Variants in VAT1L observed in about 807,000 individuals in gnomAD.
VAT1L encodes vesicle amine transport 1 like, also known as putative NADPH-dependent quinone oxidoreductase VAT1L.
In VAT1L, 34 loss-of-function variants were observed where a neutral mutation model predicts 44.1. The ratio of observed to expected loss-of-function variants is 0.77; its 90% CI spans 0.59 to 1.03. VAT1L has a LOEUF of 1.03. Ranked by LOEUF, VAT1L falls within the 50% of genes least tolerant of loss-of-function variation. The pLI, the probability that VAT1L is intolerant of heterozygous loss-of-function variation, is 0.00. For synonymous variants in VAT1L, 253 were observed against 202.2 expected (o/e 1.25, Z -2.13); for missense variants, 615 against 538.8 (o/e 1.14, Z -1.40).
At chr16:77,813,577 C>G (rs1386473822) in intron 1 of VAT1L, among the ~76,000 whole-genome samples, 1 of 152,190 alleles carries the variant, frequency 6.6e-6, no homozygotes, top group Admixed American at 6.5e-5. Context: ...CATCCTGGTG[C>G]AGGGAGTTGG....
At chr16:77,904,092 C>A (rs1176567893) in intron 7 of VAT1L, among the ~76,000 whole-genome samples, 1 of 151,894 alleles carries the variant, frequency 6.6e-6, no homozygotes, top group Non-Finnish European at 1.5e-5. Flanking sequence ...AGCCTAATAA[C>A]CCAAAAGGAA....
At chr16:77,862,643 A>T in intron 3 of VAT1L, 105 bp from the exon 4 acceptor site, 1 of 1,141,294 alleles carries the variant, frequency 8.8e-7, no homozygotes, top group Non-Finnish European at 1.2e-6. Flanking sequence ...AAAAAAAAAA[A>T]AAAAGTCAAT....
At chr16:77,955,846 C>A (rs994215338) in intron 7 of VAT1L, among the ~76,000 whole-genome samples, 12 of 152,108 alleles carry the variant, frequency 7.9e-5, no homozygotes, top group African/African-American at 2.4e-4. Flanking sequence ...TACCCAGCGT[C>A]CTACATCCTT....
intron 7 of VAT1L, among the ~76,000 whole-genome samples, chr16:77,921,948 A>G (rs544969562): frequency 7.2e-5 from 11 of 152,050 alleles, no homozygotes; most frequent in African/African-American, 2.4e-4. Flanking sequence ...GGGTCTCACT[A>G]TGTTGCCCAG....
chr16:77,872,755 G>C (rs1468623079), intron 4 of VAT1L, among the ~76,000 whole-genome samples: 1 of 152,180 alleles, frequency 6.6e-6, no homozygotes, highest in East Asian at 1.9e-4. Flanking sequence ...CTCTGTGTTT[G>C]GTTCATTTAT....
intron 8 of VAT1L, among the ~76,000 whole-genome samples, chr16:77,972,742 T>C (rs2018293981): frequency 1.3e-5 from 2 of 151,660 alleles, no homozygotes; most frequent in African/African-American, 2.4e-5. Flanking sequence ...GATTGCGTCA[T>C]TGCACTCCAG....
At chr16:77,901,271 C>G (rs1298082262) in intron 7 of VAT1L, among the ~76,000 whole-genome samples, 2 of 146,646 alleles carry the variant, frequency 1.4e-5, no homozygotes, top group Non-Finnish European at 3.0e-5. Flanking sequence ...TCATGCCATT[C>G]TCCTGCCTCA....
chr16:77,848,902 A>T (rs902961451), intron 3 of VAT1L, among the ~76,000 whole-genome samples: 1 of 152,192 alleles, frequency 6.6e-6, no homozygotes, highest in African/African-American at 2.4e-5. Context: ...GACATGGATG[A>T]AGCTGGAAAC....
rs753471282 is a variant in VAT1L, at chr16:77,934,654, A to G, written c.1078-37196A>G. On this transcript the variant is annotated intron_variant, in intron 7 of 8. Coordinates refer to ENST00000302536, the MANE Select transcript of VAT1L (RefSeq NM_020927.3). ...AACCATAGGGAACTAATTTAGTGGG[A>G]TGTGAACAGTGCCTTGAATCTTGTT... is the stretch of plus-strand genomic sequence containing the variant. Among the ~76,000 whole-genome samples the G allele has an allele frequency of 8.3e-4, 127 of 152,336 alleles. 1 individual carries two copies. The highest frequency in any genetic ancestry group is 1.6e-3 in the Non-Finnish European group (107 of 68,038).
Position 77,928,757 on chromosome 16 carries a change from A to ATT in VAT1L, c.1078-43084_1078-43083dup, listed in dbSNP as rs5818099. On this transcript the variant is annotated intron_variant, in intron 7 of 8. Transcript: ENST00000302536. ...TGATGGGGGTGTCAGGAGAGTAAGA[A>ATT]TTTTTTTTTTAAATGACTGTTGAAG... Among the ~76,000 whole-genome samples, 96 of 151,112 alleles carry ATT rather than the reference A, an allele frequency of 6.4e-4. 1 individual carries two copies. The highest frequency in any genetic ancestry group is 3.4e-3 in the Middle Eastern group (1 of 292).
chr16:77,868,480 G>C (rs2016998227), intron 4 of VAT1L, among the ~76,000 whole-genome samples: 1 of 152,182 alleles, frequency 6.6e-6, no homozygotes, highest in Non-Finnish European at 1.5e-5. Context: ...GAACACATGG[G>C]AGCTCTCTTT....
chr16:77,858,174 G>C (rs1209724620), intron 3 of VAT1L, among the ~76,000 whole-genome samples: 1 of 152,138 alleles, frequency 6.6e-6, no homozygotes, highest in African/African-American at 2.4e-5. Context: ...TGGTGGTCAC[G>C]CTTCGGGAGA....
At chr16:77,964,347 G>A (rs896733319) in intron 7 of VAT1L, among the ~76,000 whole-genome samples, 5 of 152,140 alleles carry the variant, frequency 3.3e-5, no homozygotes, top group Non-Finnish European at 5.9e-5. Context: ...TGCGTTCCTC[G>A]TGGAAGCCCT....
At chr16:77,883,420 C>T (rs1350668393) in intron 6 of VAT1L, among the ~76,000 whole-genome samples, 1 of 152,124 alleles carries the variant, frequency 6.6e-6, no homozygotes, top group Admixed American at 6.5e-5. Context: ...AAGAGATGGC[C>T]ACATTAAATA....
In VAT1L at chr16:77,813,903, C is replaced by G. The variant is rs191419280; in HGVS notation, c.234-3018C>G. Among the ~76,000 whole-genome samples, 5 of 152,304 alleles carry G rather than the reference C, an allele frequency of 3.3e-5. No homozygotes were observed. In the East Asian group the frequency reaches 9.6e-4, roughly 29 times the overall value. On this transcript the variant is annotated intron_variant, in intron 1 of 8. Transcript: ENST00000302536. ...TCTGCAAGGGGGAAGATATAAAGAG[C>G]TATAAACATGGCTCTTGTATGGGCA... is the stretch of plus-strand genomic sequence containing the variant.
chr16:77,867,556 G>A (rs370875597), intron 4 of VAT1L, among the ~76,000 whole-genome samples: 33 of 152,032 alleles, frequency 2.2e-4, no homozygotes, highest in African/African-American at 7.5e-4. Context: ...AAAATATCAT[G>A]AGTCAAAAAT....
intron 7 of VAT1L, among the ~76,000 whole-genome samples, chr16:77,947,842 C>T (rs1277051315): frequency 6.6e-6 from 1 of 152,208 alleles, no homozygotes; most frequent in Non-Finnish European, 1.5e-5. Flanking sequence ...TCACCACAAC[C>T]TCTGCCTCCC....
chr16:77,926,250 C>A (rs1439102045), intron 7 of VAT1L, among the ~76,000 whole-genome samples: 2 of 107,524 alleles, frequency 1.9e-5, no homozygotes, highest in Non-Finnish European at 3.6e-5. Flanking sequence ...GAGACTCCGT[C>A]TCAAAGTAAA....
intron 7 of VAT1L, among the ~76,000 whole-genome samples, chr16:77,939,034 C>T (rs1192616730): frequency 2.2e-4 from 33 of 152,112 alleles, no homozygotes; most frequent in Admixed American, 2.2e-3. Context: ...CTGGACTGCT[C>T]AGATCTGGGC....
Sources: allele counts gnomAD v4.1 joint callset (sites outside exome capture counted in the v4.1 genomes callset), GRCh38; gene constraint gnomAD v4.1.1; transcripts MANE v1.5; gene names NCBI Gene and HGNC (gene_info 2026-07-23, HGNC 2026-07-21).